MEGF11: variants seen among roughly 807,000 people sequenced by gnomAD.
The protein encoded by MEGF11 is multiple epidermal growth factor-like domains protein 11.
A neutral mutation model predicts 146.6 loss-of-function variants in MEGF11; 126 were observed. That is an observed-to-expected ratio of 0.86 (90% confidence interval 0.74 to 1.00). MEGF11 has a LOEUF of 1.00. Among genes scored for constraint, MEGF11 ranks in the 50% least tolerant of loss-of-function variants. MEGF11 has a pLI of 0.00. For synonymous variants in MEGF11, 532 were observed against 583.4 expected (o/e 0.91, Z 1.27); for missense variants, 1,509 against 1,521.2 (o/e 0.99, Z 0.13).
intron 1 of MEGF11, among the ~76,000 whole-genome samples, chr15:66,171,083 C>A (rs758295341): frequency 6.6e-6 from 1 of 152,232 alleles, no homozygotes; most frequent in Non-Finnish European, 1.5e-5. Flanking sequence ...GTCCTGGAGC[C>A]TTGTCTCAAG....
At chr15:66,224,022 A>G (rs2091793592) in intron 1 of MEGF11, among the ~76,000 whole-genome samples, 1 of 152,064 alleles carries the variant, frequency 6.6e-6, no homozygotes, top group South Asian at 2.1e-4. Flanking sequence ...TCTTTTTTCA[A>G]TCAGTCATGA....
chr15:66,043,905 G>C (rs897207780), intron 5 of MEGF11, among the ~76,000 whole-genome samples: 3 of 152,212 alleles, frequency 2.0e-5, no homozygotes, highest in Admixed American at 6.5e-5. Flanking sequence ...AGGGGGAAAG[G>C]GAGTGGGGTA....
At chr15:66,249,076 CT>C (rs2092336260) in intron 1 of MEGF11, among the ~76,000 whole-genome samples, 1 of 152,232 alleles carries the variant, frequency 6.6e-6, no homozygotes, top group Admixed American at 6.5e-5. Flanking sequence ...AAACTCTCCT[CT>C]TCCTGCTGAG....
chr15:66,062,716 T>C (rs180714227), intron 5 of MEGF11, among the ~76,000 whole-genome samples: 12 of 152,364 alleles, frequency 7.9e-5, no homozygotes, highest in Non-Finnish European at 1.6e-4. Context: ...TGGGAGTTCT[T>C]TCTACAGCAA....
chr15:66,155,412 C>T (rs1597125527), intron 1 of MEGF11, among the ~76,000 whole-genome samples: 1 of 152,288 alleles, frequency 6.6e-6, no homozygotes, highest in East Asian at 1.9e-4. Context: ...GGGAAGAAAA[C>T]ACACCCCAAA....
At chr15:66,004,232 C>G (rs1173638860) in intron 5 of MEGF11, among the ~76,000 whole-genome samples, 1 of 152,106 alleles carries the variant, frequency 6.6e-6, no homozygotes, top group Non-Finnish European at 1.5e-5. Flanking sequence ...TAAGTCCTCC[C>G]CCTAGACCTT....
At chr15:65,914,276 G>A (rs1392317118) in intron 19 of MEGF11, among the ~76,000 whole-genome samples, 1 of 152,218 alleles carries the variant, frequency 6.6e-6, no homozygotes, top group African/African-American at 2.4e-5. Flanking sequence ...TCAGCCCTGT[G>A]AAGGGATTAG....
intron 5 of MEGF11, among the ~76,000 whole-genome samples, chr15:66,077,583 GATTC>G (rs2085645563): frequency 6.6e-6 from 1 of 152,250 alleles, no homozygotes; most frequent in East Asian, 1.9e-4. Flanking sequence ...AAGTCTACCA[GATTC>G]CATGTAACAC....
chr15:66,114,349 A>G (rs955408442), intron 4 of MEGF11, among the ~76,000 whole-genome samples: 1 of 152,224 alleles, frequency 6.6e-6, no homozygotes, highest in African/African-American at 2.4e-5. Context: ...GCTGACAAGG[A>G]GCAGGCCTTA....
intron 1 of MEGF11, among the ~76,000 whole-genome samples, chr15:66,208,180 T>C (rs892344428): frequency 3.3e-5 from 5 of 152,026 alleles, no homozygotes; most frequent in African/African-American, 1.2e-4. Context: ...TAAATCTATC[T>C]AGAGGAAATA....
At position 65,984,525 on chromosome 15, in the gene MEGF11, C is replaced by CAAAAAAAAAAA. The variant is rs35017296; in HGVS notation, c.395-2048_395-2038dup. Among the ~76,000 whole-genome samples, 3 of 49,520 alleles carry CAAAAAAAAAAA rather than the reference C, an allele frequency of 6.1e-5. 1 individual carries two copies. Among genetic ancestry groups the CAAAAAAAAAAA allele is most frequent in the Non-Finnish European group, 9.9e-5 (3 of 30,394 alleles). 32.5% of individuals were successfully genotyped at this position (49,520 alleles called of 152,430 possible). A position where few individuals can be genotyped will look rare whatever the true frequency, so the allele number is the denominator to read the frequency against. On this transcript the variant is annotated intron_variant, in intron 5 of 25. Coordinates refer to ENST00000395614, the MANE Select transcript of MEGF11 (RefSeq NM_001385028.1). ...TGGGCGATAGAGCAAGACTCCGTGT[C>CAAAAAAAAAAA]AAAAAAAAAAAAAAAAAAAAAAAAA... is the stretch of plus-strand genomic sequence containing the variant.
chr15:66,074,045 C>G (rs1187013884), intron 5 of MEGF11, among the ~76,000 whole-genome samples: 1 of 152,174 alleles, frequency 6.6e-6, no homozygotes, highest in East Asian at 1.9e-4. Flanking sequence ...TCCAGTCTTG[C>G]TACAGATGTT....
chr15:65,993,221 C>T (rs2082107816), intron 5 of MEGF11, among the ~76,000 whole-genome samples: 1 of 152,174 alleles, frequency 6.6e-6, no homozygotes, highest in South Asian at 2.1e-4. Context: ...ACCTCAGTGA[C>T]CCCAGCACTT....
intron 4 of MEGF11, among the ~76,000 whole-genome samples, chr15:66,095,278 T>C (rs1028683257): frequency 1.3e-5 from 2 of 152,294 alleles, no homozygotes; most frequent in East Asian, 1.9e-4. Context: ...CCACATTTCC[T>C]CAAGGTCATC....
At chr15:66,200,521 A>G (rs936927515) in intron 1 of MEGF11, among the ~76,000 whole-genome samples, 1 of 152,158 alleles carries the variant, frequency 6.6e-6, no homozygotes, top group African/African-American at 2.4e-5. Context: ...CTAGTAATTC[A>G]GGGGTCTTAC....
At chr15:66,189,303 G>A (rs992854296) in intron 1 of MEGF11, among the ~76,000 whole-genome samples, 34 of 152,144 alleles carry the variant, frequency 2.2e-4, no homozygotes, top group Non-Finnish European at 2.4e-4. Flanking sequence ...GTGGGGTGGA[G>A]GCTGAGGGGA....
chr15:65,927,061 C>A (rs1337753070), intron 13 of MEGF11, among the ~76,000 whole-genome samples: 1 of 152,206 alleles, frequency 6.6e-6, no homozygotes, highest in Non-Finnish European at 1.5e-5. Flanking sequence ...CCTATACTGC[C>A]AGAAATGACT....
At chr15:66,178,894 A>AT (rs1031962267) in intron 1 of MEGF11, among the ~76,000 whole-genome samples, 10 of 152,180 alleles carry the variant, frequency 6.6e-5, no homozygotes, top group South Asian at 6.2e-4. Flanking sequence ...GAGTTGTTTT[A>AT]TTTTTTTTAA....
intron 5 of MEGF11, among the ~76,000 whole-genome samples, chr15:65,991,262 C>G (rs1198154145): frequency 1.3e-5 from 2 of 152,182 alleles, no homozygotes; most frequent in Admixed American, 1.3e-4. Flanking sequence ...GAGAGCTTAC[C>G]AGGGACCAGC....
Sources: gnomAD v4.1 joint callset for allele counts (sites outside exome capture counted in the v4.1 genomes callset) on GRCh38, gnomAD v4.1.1 for gene constraint, MANE v1.5 for transcripts, NCBI Gene and HGNC (gene_info 2026-07-23, HGNC 2026-07-21) for gene names.